Variants in NPSR1 observed in about 807,000 individuals in gnomAD.
NPSR1 encodes the protein neuropeptide S receptor.
Under a neutral mutation model 46.9 loss-of-function variants are expected in NPSR1, and 48 were observed. The ratio of observed to expected loss-of-function variants is 1.02; its 90% CI spans 0.81 to 1.30. The LOEUF is 1.30. Ranked by LOEUF, NPSR1 falls within the 50% of genes most tolerant of loss-of-function variation. The pLI is 0.00. For synonymous variants in NPSR1, 176 were observed against 168.1 expected (o/e 1.05, Z -0.36); for missense variants, 450 against 449.5 (o/e 1.00, Z -0.01).
chr7:34,803,030 C>G (rs1788497440), intron 3 of NPSR1, among the ~76,000 whole-genome samples: 1 of 150,062 alleles, frequency 6.7e-6, no homozygotes, highest in Admixed American at 6.6e-5. Flanking sequence ...CCATCTCACA[C>G]CAGTTAGAAT....
intron 4 of NPSR1, among the ~76,000 whole-genome samples, chr7:34,812,823 A>G (rs1789053959): frequency 6.6e-6 from 1 of 152,220 alleles, no homozygotes; most frequent in Admixed American, 6.5e-5. Context: ...GTGCAATCAA[A>G]TATTATTTAA....
At chr7:34,677,618 C>T (rs901368254) in intron 1 of NPSR1, among the ~76,000 whole-genome samples, 3 of 152,130 alleles carry the variant, frequency 2.0e-5, no homozygotes, top group Admixed American at 1.3e-4. Flanking sequence ...GAGGAATGCC[C>T]ACAAGGTGTA....
intron 1 of NPSR1, 57 bp from the exon 2 acceptor site, chr7:34,684,495 G>T: frequency 1.3e-6 from 2 of 1,574,484 alleles, no homozygotes; most frequent in South Asian, 2.3e-5. Context: ...CAGGCATTCT[G>T]TAAAGAACTC....
At chr7:34,875,563 C>CA (rs1791554882) in intron 8 of NPSR1, among the ~76,000 whole-genome samples, 1 of 152,144 alleles carries the variant, frequency 6.6e-6, no homozygotes, top group Non-Finnish European at 1.5e-5. Context: ...TAGAGATCCC[C>CA]AAATGTGAGG....
chr7:34,833,737 G>T (rs184407668), intron 5 of NPSR1, among the ~76,000 whole-genome samples: 4 of 152,176 alleles, frequency 2.6e-5, no homozygotes, highest in Admixed American at 2.6e-4. Context: ...TCCAGGGCAG[G>T]GGTCATCAGA....
intron 2 of NPSR1, chr7:34,723,475 C>A (rs1474854742): frequency 6.6e-6 from 1 of 152,208 alleles, no homozygotes; most frequent in Non-Finnish European, 1.5e-5. Flanking sequence ...ACAAAGCATC[C>A]TTTCTGTGCA....
At chr7:34,848,221 A>C (rs1419980174) in intron 7 of NPSR1, among the ~76,000 whole-genome samples, 1 of 152,214 alleles carries the variant, frequency 6.6e-6, no homozygotes, top group Non-Finnish European at 1.5e-5. Context: ...ACAGCAGTAG[A>C]AATTTGACCC....
At chr7:34,752,366 C>T (rs1369766902) in intron 2 of NPSR1, among the ~76,000 whole-genome samples, 4 of 152,106 alleles carry the variant, frequency 2.6e-5, no homozygotes, top group Non-Finnish European at 5.9e-5. Context: ...CTCCAATAAA[C>T]TTGTTTGTGG....
chr7:34,822,258 G>A (rs527286692), intron 4 of NPSR1, among the ~76,000 whole-genome samples: 2 of 152,114 alleles, frequency 1.3e-5, no homozygotes, highest in African/African-American at 2.4e-5. Context: ...GGCAGGGTTC[G>A]GAGTTTATGC....
chr7:34,847,792 C>T (rs999871367), intron 7 of NPSR1, among the ~76,000 whole-genome samples: 1 of 152,164 alleles, frequency 6.6e-6, no homozygotes, highest in Admixed American at 6.5e-5. Flanking sequence ...GCCAGAATAG[C>T]GTTTAACCGA....
chr7:34,686,960 C>CAAA (rs66886501), intron 2 of NPSR1, among the ~76,000 whole-genome samples: 22,316 of 93,732 alleles, frequency 0.24, 2,228 homozygotes, highest in Admixed American at 0.28. Flanking sequence ...GACTCCGTCT[C>CAAA]AAAAAAAAAA....
At position 34,849,584 on chromosome 7, in the gene NPSR1, T is replaced by A. The variant is rs1790871275; in HGVS notation, c.1045T>A (p.Ser349Thr). 1 of 1,614,062 alleles carries A rather than the reference T, an allele frequency of 6.2e-7. No homozygotes were observed. Among genetic ancestry groups the A allele is most frequent in the Non-Finnish European group, 8.5e-7 (1 of 1,180,012 alleles). Residue 349 changes from serine to threonine, a missense_variant, in exon 9 of 9, where the codon TCC (serine) becomes ACC (threonine). By Grantham distance (58) the Ser-to-Thr change is moderately conservative. Coordinates refer to ENST00000360581, the MANE Select transcript of NPSR1 (RefSeq NM_207172.2). ...CTCCAGGGAGCAAAGATCACAGGAT[T>A]CCAGAATGACGTTCCGGGAGAGAAC... ...FPCREQRSQD[S>T]RMTFRERTER...
At position 34,836,499 on chromosome 7, in the gene NPSR1, T is replaced by G. The variant is rs541970812; in HGVS notation, c.757+2039T>G. ...ACTAATGTTGAGACAACTGCCCATA[T>G]GGAAACAATCATATATTAGATTGTT... On this transcript the variant is annotated intron_variant, in intron 6 of 8. Transcript: ENST00000360581. Among the ~76,000 whole-genome samples, 12 of 152,188 alleles carry G rather than the reference T, an allele frequency of 7.9e-5. No homozygotes were observed. In the South Asian group the frequency reaches 2.5e-3, roughly 32 times the overall value.
At chr7:34,827,329 T>C (rs1789903011) in intron 4 of NPSR1, 72 bp from the exon 5 acceptor site, 1 of 1,335,268 alleles carries the variant, frequency 7.5e-7, no homozygotes, top group Non-Finnish European at 1.1e-6. Context: ...GATCCTTTTC[T>C]ATAGCAGACT....
rs112719958 is a variant in NPSR1, at chr7:34,745,372, A to G, written c.281-33090A>G. 1.4e-3 allele frequency among the ~76,000 whole-genome samples: 211 copies of G among 152,284 alleles called. 3 individuals are homozygous for G. The highest frequency in any genetic ancestry group is 4.5e-3 in the African/African-American group (187 of 41,544). ...TTTTATTGGTTCCAACCTTATAATC[A>G]ACATATTCATTGAGATTCTAACTTT... On this transcript the variant is annotated intron_variant, in intron 2 of 8. Transcript: ENST00000360581.
intron 3 of NPSR1, among the ~76,000 whole-genome samples, chr7:34,807,338 G>C (rs1339801076): frequency 1.3e-5 from 2 of 151,888 alleles, no homozygotes; most frequent in African/African-American, 2.4e-5. Flanking sequence ...CTTATGTTAT[G>C]AAGTCTATTT....
chr7:34,863,228 A>C (rs963163676), intron 8 of NPSR1, among the ~76,000 whole-genome samples: 25 of 152,008 alleles, frequency 1.6e-4, no homozygotes, highest in African/African-American at 6.1e-4. Context: ...ACAAAAATTA[A>C]CTCAAGATCG....
chr7:34,714,238 T>C (rs1583864015), intron 2 of NPSR1, among the ~76,000 whole-genome samples: 1 of 152,244 alleles, frequency 6.6e-6, no homozygotes. Flanking sequence ...AGGACTCCTA[T>C]GACCCAGGTT....
intron 1 of NPSR1, among the ~76,000 whole-genome samples, chr7:34,660,615 T>C (rs946222024): frequency 6.6e-6 from 1 of 152,104 alleles, no homozygotes; most frequent in African/African-American, 2.4e-5. Context: ...GCAGTAAAAG[T>C]CACAGAAATA....
Sources: allele counts gnomAD v4.1 joint callset (sites outside exome capture counted in the v4.1 genomes callset), GRCh38; gene constraint gnomAD v4.1.1; transcripts MANE v1.5; gene names NCBI Gene and HGNC (gene_info 2026-07-23, HGNC 2026-07-21).